The following CPEB3 variants were observed in gnomAD, a reference collection of about 807,000 sequenced individuals.
CPEB3 encodes cytoplasmic polyadenylation element-binding protein 3.
CPEB3 carries 20 observed loss-of-function variants against 67.2 expected under a neutral mutation model. The observed-to-expected ratio is 0.30, with a 90% CI of 0.21 to 0.43. CPEB3 has a LOEUF of 0.43. Ranked by LOEUF, CPEB3 falls within the 20% of genes least tolerant of loss-of-function variation. CPEB3 has a pLI of 1.00. For missense variants in CPEB3, 746 were observed against 968.6 expected, an observed-to-expected ratio of 0.77 and a Z score of 3.05; for synonymous variants, 376 against 393.1, an observed-to-expected ratio of 0.96 and a Z score of 0.51.
At chr10:92,209,020 G>A (rs1849935963) in intron 2 of CPEB3, among the ~76,000 whole-genome samples, 1 of 152,106 alleles carries the variant, frequency 6.6e-6, no homozygotes. Flanking sequence ...TGTAGTCAGA[G>A]ACTATGCCTC....
intron 7 of CPEB3, among the ~76,000 whole-genome samples, chr10:92,105,715 GTTTTTTTT>G (rs999673116): frequency 9.1e-6 from 1 of 109,728 alleles, no homozygotes; most frequent in African/African-American, 3.7e-5. Context: ...TGTTTTGTGG[GTTTTTTTT>G]TTTTTTTTTT....
Position 92,239,301 on chromosome 10 carries a change from G to A in CPEB3, c.1005+45C>T, listed in dbSNP as rs1184252991. Reference sequence around the variant, plus strand: ...TTAAAAGTCAGAGAAGTGGCAAAAGGAGCGGGGCAGAGGGAAGGAGTGTGT... The same window carrying A: ...TTAAAAGTCAGAGAAGTGGCAAAAGAAGCGGGGCAGAGGGAAGGAGTGTGT... On this transcript the variant is annotated intron_variant, in intron 2 of 9. Transcript: ENST00000265997. This position sits in a 1 kb window ranked among gnomAD's most constrained non-coding sequence, Gnocchi z 6.0. 6 of 1,571,214 alleles carry A rather than the reference G, an allele frequency of 3.8e-6. No individual in the cohort carries two copies. Among genetic ancestry groups the A allele is most frequent in the East Asian group, 2.3e-5 (1 of 43,676 alleles).
chr10:92,068,530 T>C (rs556220639), intron 9 of CPEB3, among the ~76,000 whole-genome samples: 24 of 152,034 alleles, frequency 1.6e-4, no homozygotes, highest in Non-Finnish European at 3.4e-4. Context: ...ACTTCTAGAG[T>C]TGAATCTGAA....
chr10:92,280,032 A>T (rs979086325), intron 1 of CPEB3, among the ~76,000 whole-genome samples: 5 of 150,412 alleles, frequency 3.3e-5, no homozygotes, highest in African/African-American at 1.3e-4. Flanking sequence ...AAAGAGAGAA[A>T]GAGAGAGAGA....
intron 6 of CPEB3, among the ~76,000 whole-genome samples, chr10:92,140,460 A>G (rs1221831818): frequency 1.3e-5 from 2 of 152,150 alleles, no homozygotes; most frequent in African/African-American, 4.8e-5. Context: ...CCTTCCTTAC[A>G]CCTTATACAA....
chr10:92,204,759 AAAT>A lies in CPEB3; in HGVS notation c.1006-12126_1006-12124del, dbSNP rs553227838. Among the ~76,000 whole-genome samples, 598 of 152,290 alleles carry A rather than the reference AAAT, an allele frequency of 3.9e-3. 10 individuals carry two copies. Among genetic ancestry groups the A allele is most frequent in the Non-Finnish European group, 8.4e-4 (57 of 68,028 alleles). Reference sequence around the variant, plus strand: ...AAAGAGACTTAAATTAAAATGAGACAAATAATAAAATTGGATTAAATAACCAAA... The same window carrying A: ...AAAGAGACTTAAATTAAAATGAGACAAATAAAATTGGATTAAATAACCAAA... On this transcript the variant is annotated intron_variant, in intron 2 of 9. Coordinates refer to ENST00000265997, the MANE Select transcript of CPEB3 (RefSeq NM_014912.5).
intron 9 of CPEB3, among the ~76,000 whole-genome samples, chr10:92,066,440 AG>A (rs2134354744): frequency 6.6e-6 from 1 of 152,270 alleles, no homozygotes. Context: ...AATAAAATTA[AG>A]GGTTGAGTAT....
intron 1 of CPEB3, among the ~76,000 whole-genome samples, chr10:92,241,544 C>CA (rs1260150644): frequency 6.6e-6 from 1 of 152,132 alleles, no homozygotes; most frequent in Non-Finnish European, 1.5e-5. Flanking sequence ...TAGAGGAGTA[C>CA]AAAGTCTCAA....
intron 1 of CPEB3, among the ~76,000 whole-genome samples, chr10:92,264,628 A>T (rs1045946769): frequency 6.6e-6 from 1 of 151,286 alleles, no homozygotes; most frequent in Non-Finnish European, 1.5e-5. Context: ...AGGCACAAGA[A>T]TTGCTTGAAC....
intron 1 of CPEB3, among the ~76,000 whole-genome samples, chr10:92,245,275 T>C (rs1006522704): frequency 1.1e-4 from 17 of 151,650 alleles, no homozygotes; most frequent in Non-Finnish European, 2.9e-5. Flanking sequence ...GTAGCTGGGA[T>C]TACAGGCGCA....
intron 4 of CPEB3, among the ~76,000 whole-genome samples, chr10:92,157,725 A>T (rs565997511): frequency 2.6e-5 from 4 of 152,166 alleles, no homozygotes; most frequent in Non-Finnish European, 5.9e-5. Flanking sequence ...AAAGAACACA[A>T]TGAATACAGG....
intron 4 of CPEB3, among the ~76,000 whole-genome samples, chr10:92,180,520 T>C (rs1414316301): frequency 1.3e-5 from 2 of 152,228 alleles, no homozygotes; most frequent in African/African-American, 2.4e-5. Flanking sequence ...AGTTTGGCCT[T>C]TGTGGCTCTG....
chr10:92,289,740 T>TATAA (rs1021410888), intron 1 of CPEB3, among the ~76,000 whole-genome samples: 1 of 55,918 alleles, frequency 1.8e-5, no homozygotes, highest in Admixed American at 2.3e-4. Context: ...AAAATATATA[T>TATAA]ATATATATAT....
At chr10:92,286,836 T>C (rs1842551690) in intron 1 of CPEB3, among the ~76,000 whole-genome samples, 2 of 152,156 alleles carry the variant, frequency 1.3e-5, no homozygotes, top group African/African-American at 4.8e-5. Context: ...AAAACAAGTA[T>C]GATGGAAGAA....
chr10:92,164,481 T>C (rs113219277), intron 4 of CPEB3, among the ~76,000 whole-genome samples: 22 of 152,316 alleles, frequency 1.4e-4, no homozygotes, highest in African/African-American at 4.6e-4. Flanking sequence ...TAACTCATGG[T>C]TCCTGGCAAG....
intron 4 of CPEB3, among the ~76,000 whole-genome samples, chr10:92,146,443 T>TAA (rs202225371): frequency 1.4e-5 from 2 of 144,444 alleles, no homozygotes; most frequent in Non-Finnish European, 1.5e-5. Flanking sequence ...AATATACTCT[T>TAA]AAAAAAAAAA....
intron 2 of CPEB3, among the ~76,000 whole-genome samples, chr10:92,203,232 C>T (rs960609831): frequency 2.6e-5 from 4 of 151,170 alleles, no homozygotes; most frequent in African/African-American, 2.4e-5. Context: ...TGAGCCACCG[C>T]GCCCAGCCTT....
At chr10:92,214,272 T>G (rs1850235056) in intron 2 of CPEB3, among the ~76,000 whole-genome samples, 2 of 152,072 alleles carry the variant, frequency 1.3e-5, no homozygotes, top group African/African-American at 4.8e-5. Flanking sequence ...CATCCCTCTG[T>G]CATGTGAAGA....
At chr10:92,268,680 C>T (rs191845111) in intron 1 of CPEB3, among the ~76,000 whole-genome samples, 1 of 152,180 alleles carries the variant, frequency 6.6e-6, no homozygotes, top group Non-Finnish European at 1.5e-5. Context: ...CACTACTGAA[C>T]ATTTTTGAAA....
Sources: allele counts gnomAD v4.1 joint callset (sites outside exome capture counted in the v4.1 genomes callset), GRCh38; gene constraint gnomAD v4.1.1; non-coding constraint Gnocchi (gnomAD v3.1); transcripts MANE v1.5; gene names NCBI Gene and HGNC (gene_info 2026-07-23, HGNC 2026-07-21).